Variants in ZNF226 observed in about 807,000 individuals in gnomAD.
ZNF226 encodes the protein zinc finger protein 226, also known as Kruppel-associated box protein.
Under a neutral mutation model 11.4 loss-of-function variants are expected in ZNF226, and 6 were observed. The ratio of observed to expected loss-of-function variants is 0.53; its 90% CI spans 0.29 to 1.04. The LOEUF (loss-of-function observed/expected upper bound fraction) is 1.04, where lower values mean the gene tolerates loss of function less well. Ranked by LOEUF, ZNF226 falls within the 50% of genes least tolerant of loss-of-function variation. The probability of loss-of-function intolerance (pLI) is 0.08; values close to 1 mark genes in which losing one functional copy is unlikely to be tolerated. For missense variants in ZNF226, 1,058 were observed against 956.5 expected (o/e 1.11, Z -1.40); for synonymous variants, 350 against 322.8 (o/e 1.08, Z -0.90).
downstream of ZNF226, among the ~76,000 whole-genome samples, chr19:44,178,820 A>G (rs557977184): frequency 2.0e-5 from 3 of 152,340 alleles, no homozygotes; most frequent in East Asian, 1.9e-4. Context: ...TTTATATACT[A>G]CAGTAAAAAG....
chr19:44,193,005 T>TTGTG, the ZNF226 span, among the ~76,000 whole-genome samples: 337 of 152,210 alleles, frequency 2.2e-3, 1 homozygote, highest in African/African-American at 7.3e-3. Context: ...AAAAAGAAAA[T>TTGTG]TGTCTGACAA....
At chr19:44,183,066 T>C (rs1025847485), downstream of ZNF226, among the ~76,000 whole-genome samples, 2 of 152,198 alleles carry the variant, frequency 1.3e-5, no homozygotes, top group South Asian at 2.1e-4. Context: ...AACTGACTTA[T>C]ACTACCATAA....
downstream of ZNF226, chr19:44,178,183 T>A (rs1970848950): frequency 6.4e-6 from 1 of 155,414 alleles, no homozygotes; most frequent in Admixed American, 6.2e-5. Flanking sequence ...TTTGGCATTG[T>A]CTTGTGATTA....
At chr19:44,197,698 G>T in the ZNF226 span, among the ~76,000 whole-genome samples, 3 of 152,090 alleles carry the variant, frequency 2.0e-5, no homozygotes, top group Non-Finnish European at 4.4e-5. Flanking sequence ...CAAGTGATTT[G>T]TTGATTTGTC....
chr19:44,192,864 A>G, the ZNF226 span, among the ~76,000 whole-genome samples: 6 of 152,306 alleles, frequency 3.9e-5, no homozygotes, highest in East Asian at 5.8e-4. Context: ...TGCTTTAAAC[A>G]TAGGTGAATG....
At chr19:44,179,061 T>C (rs1241575770), downstream of ZNF226, among the ~76,000 whole-genome samples, 1 of 152,150 alleles carries the variant, frequency 6.6e-6, no homozygotes, top group African/African-American at 2.4e-5. Flanking sequence ...GTGCCTGTAA[T>C]CCCAGTTACT....
the ZNF226 span, among the ~76,000 whole-genome samples, chr19:44,190,771 G>A: frequency 6.6e-6 from 1 of 152,102 alleles, no homozygotes; most frequent in African/African-American, 2.4e-5. Context: ...GTTTTTAACT[G>A]TATCATGTTA....
Position 44,173,010 on chromosome 19 carries a change from C to T in ZNF226, c.235+58C>T, listed in dbSNP as rs1267351819. 2.7e-6 allele frequency: 4 copies of T among 1,496,538 alleles called. No homozygotes were observed. In the South Asian group the frequency reaches 3.6e-5, roughly 14 times the overall value. 92.7% of individuals were successfully genotyped at this position (1,496,538 alleles called of 1,614,324 possible). ...TAACTGTCCATCTGCTTTGCTTCTT[C>T]TTAGCCTTGTTGCCATCACCTGGTC... On this transcript the variant is annotated intron_variant, in intron 5 of 5. Coordinates refer to ENST00000337433, the MANE Select transcript of ZNF226 (RefSeq NM_001032373.2).
In ZNF226 at chr19:44,167,848, A is replaced by G. The variant is rs371268652; in HGVS notation, c.-47+2041A>G. ...CTGCATCCAAGGAGCCCACACATGCATGGGGTGTCTTGGTAAGAGGCAATT... is the reference window on the plus strand; with the variant it reads ...CTGCATCCAAGGAGCCCACACATGCGTGGGGTGTCTTGGTAAGAGGCAATT... On this transcript the variant is annotated intron_variant, in intron 2 of 5. Transcript: ENST00000337433. 4.6e-5 allele frequency: 7 copies of G among 152,274 alleles called. No homozygotes were observed. The East Asian group carries it at 5.8e-4, about 13-fold the overall frequency. 9.4% of individuals were successfully genotyped at this position (152,274 alleles called of 1,614,324 possible).
rs1183054797 is a variant in ZNF226, at chr19:44,176,449, G to C, written c.1187G>C (p.Cys396Ser). Residue 396 changes from cysteine (C) to serine (S), a missense_variant, in exon 6 of 6, where the codon TGT (cysteine) becomes TCT (serine). Coordinates refer to ENST00000337433, the MANE Select transcript of ZNF226 (RefSeq NM_001032373.2). ...TGEKPFKCDACGKSFSRNSHL... is the reference protein window; with the variant it reads ...TGEKPFKCDASGKSFSRNSHL... Reference sequence around the variant, plus strand: ...GAGAAGCCATTCAAATGTGATGCATGTGGTAAGAGCTTCAGTCGGAATTCA... The same window carrying C: ...GAGAAGCCATTCAAATGTGATGCATCTGGTAAGAGCTTCAGTCGGAATTCA... 5.0e-6 allele frequency: 8 copies of C among 1,614,096 alleles called. No individual in the cohort carries two copies. Among genetic ancestry groups the C allele is most frequent in the Admixed American group, 3.3e-5 (2 of 60,018 alleles).
chr19:44,177,493 CTCA>C lies in ZNF226; in HGVS notation c.2235_2237del (p.His745del). ...TTCAGTCGGTCTTCACAACTACAGTCTCATCAGCGAGTTCACACTGGGGAGAAA... is the reference window on the plus strand; with the variant it reads ...TTCAGTCGGTCTTCACAACTACAGTCTCAGCGAGTTCACACTGGGGAGAAA... On this transcript the variant is annotated inframe_deletion, in exon 6 of 6. Transcript: ENST00000337433. 1.9e-6 allele frequency: 3 copies of C among 1,614,148 alleles called. No individual in the cohort carries two copies. Among genetic ancestry groups the C allele is most frequent in the African/African-American group, 1.3e-5 (1 of 75,036 alleles).
At chr19:44,173,109 C>T in intron 5 of ZNF226, 157 bp downstream of exon 5, 1 of 640,052 alleles carries the variant, frequency 1.6e-6, no homozygotes, top group Non-Finnish European at 2.7e-6. Context: ...CCCCTCTCCT[C>T]TTACATTCTG....
At position 44,176,843 on chromosome 19, in the gene ZNF226, A is replaced by G. The variant is rs10413887; in HGVS notation, c.1581A>G (p.Gly527=). Residue 527 remains glycine, a synonymous_variant, in exon 6 of 6, where the codon GGA becomes GGG. Coordinates refer to ENST00000337433, the MANE Select transcript of ZNF226 (RefSeq NM_001032373.2). ...AAGTTCATCTAGTGGTCCACACAGG[A>G]GAGAAACCCTATAAATGTGAGATAT... The part of the protein sequence containing the change: ...HYQVHLVVHT[G]EKPYKCEICG... 3.4e-4 allele frequency: 548 copies of G among 1,614,160 alleles called. 5 individuals carry two copies. The Middle Eastern group carries it at 0.017, about 51-fold the overall frequency.
At chr19:44,189,748 C>T in the ZNF226 span, among the ~76,000 whole-genome samples, 3 of 152,220 alleles carry the variant, frequency 2.0e-5, no homozygotes, top group African/African-American at 7.2e-5. Context: ...GCAACAGTCT[C>T]ATTATGATAA....
the ZNF226 span, among the ~76,000 whole-genome samples, chr19:44,196,201 C>T: frequency 2.0e-5 from 3 of 152,094 alleles, no homozygotes; most frequent in African/African-American, 7.2e-5. Flanking sequence ...TTACTTGCGG[C>T]CTATTTAATT....
chr19:44,185,406 A>G, the ZNF226 span, among the ~76,000 whole-genome samples: 1 of 152,194 alleles, frequency 6.6e-6, no homozygotes, highest in Non-Finnish European at 1.5e-5. Flanking sequence ...CCTTGACAAC[A>G]CTTGTTATTT....
the ZNF226 span, among the ~76,000 whole-genome samples, chr19:44,198,022 G>A: frequency 6.6e-6 from 1 of 152,006 alleles, no homozygotes; most frequent in Non-Finnish European, 1.5e-5. Flanking sequence ...ATGTGCTAAA[G>A]GTCAAGATTA....
downstream of ZNF226, among the ~76,000 whole-genome samples, chr19:44,182,471 T>C (rs1365703919): frequency 1.3e-5 from 2 of 152,186 alleles, no homozygotes; most frequent in East Asian, 3.8e-4. Context: ...AGAACCAGTG[T>C]TATAGAACAT....
rs1477444346 is a variant in ZNF226 at position 44,173,089 on chromosome 19, C to T, written c.235+137C>T. 8.5e-6 allele frequency: 6 copies of T among 702,232 alleles called. No homozygotes were observed. The East Asian group carries it at 1.1e-4, about 13-fold the overall frequency. The allele number at this position is 702,232 out of a possible 1,614,324, so 43.5% of individuals were successfully genotyped here. A position where few individuals can be genotyped will look rare whatever the true frequency, so the allele number is the denominator to read the frequency against. On this transcript the variant is annotated intron_variant, in intron 5 of 5. Transcript: ENST00000337433. The stretch of plus-strand genomic sequence containing the variant: ...TTGCAACACCCTTTGTACTGCTTGC[C>T]CTGCTCCCACCCCTCTCCTCTTACA...
Sources: allele counts gnomAD v4.1 joint callset (sites outside exome capture counted in the v4.1 genomes callset), GRCh38; gene constraint gnomAD v4.1.1; transcripts MANE v1.5; gene names NCBI Gene and HGNC (gene_info 2026-07-23, HGNC 2026-07-21).